NRXN1: variants seen among roughly 807,000 people sequenced by gnomAD.
The protein encoded by NRXN1 is neurexin-1.
A neutral mutation model predicts 150.9 loss-of-function variants in NRXN1; 39 were observed. That is an observed-to-expected ratio of 0.26 (90% CI 0.20 to 0.34). NRXN1 has a LOEUF of 0.34. Ranked by LOEUF, NRXN1 falls within the 10% of genes least tolerant of loss-of-function variation. NRXN1 has a pLI of 1.00. For missense variants in NRXN1, 1,815 were observed against 1,949.9 expected (o/e 0.93, Z 1.30); for synonymous variants, 924 against 757.0 (o/e 1.22, Z -3.62).
chr2:50,704,630 T>A (rs1034804505), intron 5 of NRXN1, among the ~76,000 whole-genome samples: 4 of 151,758 alleles, frequency 2.6e-5, no homozygotes, highest in African/African-American at 4.8e-5. Flanking sequence ...ATTTTTGGCA[T>A]AATTTATATG....
chr2:50,518,034 T>C (rs2092679196), intron 12 of NRXN1, among the ~76,000 whole-genome samples: 1 of 152,144 alleles, frequency 6.6e-6, no homozygotes, highest in African/African-American at 2.4e-5. Context: ...ATTAAGCCTC[T>C]GTAGTTTTGT....
At chr2:50,128,453 A>G (rs950227549) in intron 18 of NRXN1, among the ~76,000 whole-genome samples, 21 of 152,194 alleles carry the variant, frequency 1.4e-4, no homozygotes, top group Admixed American at 1.4e-3. Flanking sequence ...GGGCCACCTC[A>G]TTACCTTTTG....
intron 19 of NRXN1, among the ~76,000 whole-genome samples, chr2:50,064,239 A>ATT (rs1035376280): frequency 2.0e-4 from 30 of 151,708 alleles, no homozygotes; most frequent in African/African-American, 7.0e-4. Flanking sequence ...TTACTGATTC[A>ATT]TTATATATAT....
intron 8 of NRXN1, among the ~76,000 whole-genome samples, chr2:50,608,222 G>A (rs1053194646): frequency 1.3e-5 from 2 of 152,190 alleles, no homozygotes; most frequent in African/African-American, 4.8e-5. Context: ...AGTGTTTCGT[G>A]ATCCATAAAA....
intron 21 of NRXN1, 101 bp downstream of exon 21, chr2:50,053,170 A>G (rs914027896): frequency 1.6e-6 from 2 of 1,212,348 alleles, no homozygotes; most frequent in South Asian, 1.2e-5. Flanking sequence ...AGTGCCTAAG[A>G]TCAGAAAAAT....
intron 20 of NRXN1, among the ~76,000 whole-genome samples, chr2:50,053,900 T>C (rs1395106310): frequency 2.6e-5 from 4 of 152,212 alleles, no homozygotes; most frequent in Non-Finnish European, 2.9e-5. Flanking sequence ...ATTGTTGGTG[T>C]CTAAAGTCTA....
At chr2:50,937,479 G>T (rs1224193111) in intron 2 of NRXN1, among the ~76,000 whole-genome samples, 1 of 152,092 alleles carries the variant, frequency 6.6e-6, no homozygotes, top group Admixed American at 6.6e-5. Flanking sequence ...TTCTTAAGTT[G>T]TATTCTCACA....
chr2:50,977,574 A>G (rs1475740680), intron 2 of NRXN1, among the ~76,000 whole-genome samples: 2 of 151,938 alleles, frequency 1.3e-5, no homozygotes, highest in Non-Finnish European at 2.9e-5. Context: ...CTGCAGAATA[A>G]TCTCTCTATT....
At chr2:50,424,408 G>C (rs2084314320) in intron 17 of NRXN1, among the ~76,000 whole-genome samples, 3 of 151,722 alleles carry the variant, frequency 2.0e-5, no homozygotes, top group African/African-American at 7.3e-5. Context: ...GCAAATCAGA[G>C]AGACGGTACC....
chr2:50,813,579 C>T (rs1668523866), intron 5 of NRXN1, among the ~76,000 whole-genome samples: 1 of 152,120 alleles, frequency 6.6e-6, no homozygotes, highest in Admixed American at 6.5e-5. Context: ...ATTTGATCAT[C>T]AACCTTGTTA....
intron 2 of NRXN1, among the ~76,000 whole-genome samples, chr2:50,982,185 A>C (rs562275147): frequency 6.6e-6 from 1 of 152,134 alleles, no homozygotes; most frequent in Admixed American, 6.6e-5. Context: ...TTCCACCTTG[A>C]CAGTTCGGTC....
chr2:50,282,736 C>T (rs1463377501), intron 17 of NRXN1, among the ~76,000 whole-genome samples: 2 of 152,114 alleles, frequency 1.3e-5, no homozygotes, highest in East Asian at 3.9e-4. Flanking sequence ...AAATATGACT[C>T]AATTCCAAAG....
At chr2:50,331,654 TG>T (rs1285150421) in intron 17 of NRXN1, among the ~76,000 whole-genome samples, 1 of 152,180 alleles carries the variant, frequency 6.6e-6, no homozygotes, top group Non-Finnish European at 1.5e-5. Flanking sequence ...CAACAGCAAT[TG>T]ATCACTAATG....
At chr2:50,748,617 T>C (rs1180765557) in intron 5 of NRXN1, among the ~76,000 whole-genome samples, 3 of 152,078 alleles carry the variant, frequency 2.0e-5, no homozygotes, top group Non-Finnish European at 4.4e-5. Context: ...TGGGCTTCCT[T>C]GGTTGGGACA....
At chr2:50,337,315 C>A (rs1285971307) in intron 17 of NRXN1, among the ~76,000 whole-genome samples, 1 of 151,966 alleles carries the variant, frequency 6.6e-6, no homozygotes, top group Non-Finnish European at 1.5e-5. Context: ...GAACTCCCGA[C>A]CTCAAATGAT....
intron 17 of NRXN1, among the ~76,000 whole-genome samples, chr2:50,294,047 T>C (rs2073264984): frequency 6.6e-6 from 1 of 152,204 alleles, no homozygotes; most frequent in African/African-American, 2.4e-5. Flanking sequence ...GTAACATCAG[T>C]GTCTGTGCAC....
chr2:50,230,620 G>T (rs2152870694), intron 18 of NRXN1, among the ~76,000 whole-genome samples: 1 of 152,138 alleles, frequency 6.6e-6, no homozygotes, highest in East Asian at 1.9e-4. Flanking sequence ...GAAGAAGCTA[G>T]AAATAGCTGT....
intron 19 of NRXN1, among the ~76,000 whole-genome samples, chr2:50,074,326 T>C (rs2152673580): frequency 6.6e-6 from 1 of 152,276 alleles, no homozygotes; most frequent in East Asian, 1.9e-4. Context: ...TCTCACGAAA[T>C]CTTGCTTTCT....
intron 21 of NRXN1, among the ~76,000 whole-genome samples, chr2:49,998,105 G>T (rs1278923002): frequency 6.6e-6 from 1 of 152,118 alleles, no homozygotes; most frequent in African/African-American, 2.4e-5. Context: ...AGATACTGTA[G>T]TCTGCATGCT....
Sources: gnomAD v4.1 joint callset for allele counts (sites outside exome capture counted in the v4.1 genomes callset) on GRCh38, gnomAD v4.1.1 for gene constraint, MANE v1.5 for transcripts, NCBI Gene and HGNC (gene_info 2026-07-23, HGNC 2026-07-21) for gene names.